The following ERAP2 variants were observed in gnomAD, a reference collection of about 807,000 sequenced individuals.
ERAP2 encodes the protein endoplasmic reticulum aminopeptidase 2, also known as leukocyte-derived arginine aminopeptidase.
Under a neutral mutation model 111.1 loss-of-function variants are expected in ERAP2, and 118 were observed. The ratio of observed to expected loss-of-function variants is 1.06; its 90% CI spans 0.92 to 1.24. The LOEUF (loss-of-function observed/expected upper bound fraction) is 1.24. Ranked by LOEUF, ERAP2 falls within the 50% of genes most tolerant of loss-of-function variation. ERAP2 has a pLI of 0.00. For missense variants in ERAP2, 1,131 were observed against 1,125.8 expected, an observed-to-expected ratio of 1.00 and a Z score of -0.07; for synonymous variants, 410 against 401.2, an observed-to-expected ratio of 1.02 and a Z score of -0.26.
chr5:96,894,016 G>C (rs774788221), intron 6 of ERAP2, among the ~76,000 whole-genome samples: 8 of 152,074 alleles, frequency 5.3e-5, no homozygotes, highest in Non-Finnish European at 8.8e-5. Flanking sequence ...ATTTCCTCCT[G>C]GAATCCCCTC....
intron 15 of ERAP2, among the ~76,000 whole-genome samples, chr5:96,912,062 C>T (rs1281774787): frequency 6.0e-5 from 9 of 149,876 alleles, no homozygotes; most frequent in Admixed American, 4.7e-4. Flanking sequence ...CGGTGGCGGG[C>T]GCCTGTAGTC....
Position 96,917,703 on chromosome 5 carries a change from G to C in ERAP2, c.*98G>C, listed in dbSNP as rs1290711447. ...GGGCGGATCACGAGGTCAGGAGATG[G>C]AGACCATCCTGGCTAACACGGTGAG... On this transcript the variant is annotated 3_prime_UTR_variant, in exon 19 of 19. Coordinates refer to ENST00000437043, the MANE Select transcript of ERAP2 (RefSeq NM_022350.5). 2.3e-5 allele frequency: 22 copies of C among 956,828 alleles called. No individual in the cohort carries two copies. The highest frequency in any genetic ancestry group is 3.1e-5 in the Non-Finnish European group (21 of 668,200). The allele number at this position is 956,828 out of a possible 1,614,324, so 59.3% of individuals were successfully genotyped here.
intron 9 of ERAP2, among the ~76,000 whole-genome samples, chr5:96,898,989 T>G (rs2151168161): frequency 6.6e-6 from 1 of 152,280 alleles, no homozygotes; most frequent in Non-Finnish European, 1.5e-5. Context: ...AATCTATCAT[T>G]TGGTGTGCAT....
chr5:96,909,146 A>C (rs368696818), intron 14 of ERAP2, 29 bp downstream of exon 14: 246 of 1,605,348 alleles, frequency 1.5e-4, no homozygotes, highest in Non-Finnish European at 2.0e-4. Context: ...AAATGTATTA[A>C]GTAAATACAC....
intron 15 of ERAP2, among the ~76,000 whole-genome samples, chr5:96,912,046 C>T (rs10463196): frequency 0.54 from 80,670 of 149,392 alleles, 21,862 homozygotes; most frequent in Admixed American, 0.58. Context: ...AAAAATTAGC[C>T]GGGCGCGGTG....
At chr5:96,878,228 T>TA (rs3840524) in intron 1 of ERAP2, among the ~76,000 whole-genome samples, 79,385 of 151,888 alleles carry the variant, frequency 0.52, 20,926 homozygotes, top group South Asian at 0.61. Flanking sequence ...AACCGAACCT[T>TA]AAAAAAATTC....
intron 2 of ERAP2, chr5:96,881,212 A>G: frequency 2.9e-6 from 1 of 350,392 alleles, no homozygotes; most frequent in South Asian, 2.1e-5. Context: ...CTTTATAAAG[A>G]TCAAGTCTAT....
intron 6 of ERAP2, among the ~76,000 whole-genome samples, chr5:96,893,040 A>G (rs1159125067): frequency 2.0e-5 from 3 of 152,164 alleles, no homozygotes; most frequent in Non-Finnish European, 4.4e-5. Flanking sequence ...CGGATCACAT[A>G]GTAAGCACTC....
At chr5:96,913,021 G>A (rs1322712844) in intron 16 of ERAP2, among the ~76,000 whole-genome samples, 1 of 152,150 alleles carries the variant, frequency 6.6e-6, no homozygotes, top group East Asian at 1.9e-4. Context: ...AAGCGGTTAT[G>A]TTTTATCTTC....
chr5:96,889,538 TATCTGCATCGAACTCTTTCC>T lies in ERAP2; in HGVS notation c.970+234_970+253del. The stretch of plus-strand genomic sequence containing the variant: ...TCTTTTATCAGGTTTAACGTTAACA[TATCTGCATCGAACTCTTTCC>T]CAGGCTGATCAGAAAGGGCACACAC... On this transcript the variant is annotated intron_variant, in intron 5 of 18. Transcript: ENST00000437043. The T allele has an allele frequency of 4.3e-6, 3 of 692,152 alleles. No individual in the cohort carries two copies. In the South Asian group the frequency reaches 5.1e-5, roughly 12 times the overall value. The allele number at this position is 692,152 out of a possible 1,614,324, so 42.9% of individuals were successfully genotyped here.
intron 15 of ERAP2, 98 bp downstream of exon 15, chr5:96,909,862 T>A: frequency 8.0e-7 from 1 of 1,245,464 alleles, no homozygotes; most frequent in African/African-American, 1.5e-5. Flanking sequence ...TTAGTGAGGA[T>A]AGAAAAAAAA....
At chr5:96,910,736 G>A (rs1319411669) in intron 15 of ERAP2, among the ~76,000 whole-genome samples, 1 of 152,162 alleles carries the variant, frequency 6.6e-6, no homozygotes, top group Non-Finnish European at 1.5e-5. Context: ...ATTAAATATT[G>A]TTGGTTTTTT....
intron 13 of ERAP2, among the ~76,000 whole-genome samples, chr5:96,908,377 G>A (rs116762793): frequency 6.6e-6 from 1 of 152,172 alleles, no homozygotes; most frequent in South Asian, 2.1e-4. Context: ...CTTCTCACTA[G>A]AAGAAAACGT....
intron 10 of ERAP2, among the ~76,000 whole-genome samples, chr5:96,900,518 A>C (rs1218778758): frequency 6.6e-6 from 1 of 152,174 alleles, no homozygotes; most frequent in Non-Finnish European, 1.5e-5. Context: ...GTATGCTGTT[A>C]GGTTTGGAAA....
intron 18 of ERAP2, 143 bp downstream of exon 18, chr5:96,915,912 G>A (rs998699361): frequency 5.0e-6 from 3 of 595,770 alleles, no homozygotes; most frequent in Non-Finnish European, 8.5e-6. Flanking sequence ...GCAAGTAAAT[G>A]GAAGGGACAG....
At chr5:96,910,649 T>C (rs1195096158) in intron 15 of ERAP2, among the ~76,000 whole-genome samples, 1 of 152,216 alleles carries the variant, frequency 6.6e-6, no homozygotes, top group Non-Finnish European at 1.5e-5. Context: ...ACAGTAGATA[T>C]AAGTGTTCAA....
At chr5:96,891,861 C>G (rs943635428) in intron 5 of ERAP2, among the ~76,000 whole-genome samples, 3 of 152,020 alleles carry the variant, frequency 2.0e-5, no homozygotes, top group Non-Finnish European at 4.4e-5. Context: ...AATCATGCAT[C>G]TTTTTGTTTT....
At chr5:96,916,485 G>A (rs1414123777) in intron 18 of ERAP2, among the ~76,000 whole-genome samples, 8 of 126,166 alleles carry the variant, frequency 6.3e-5, no homozygotes, top group African/African-American at 1.5e-4. Context: ...TTTTTGAGGC[G>A]GAGTCTTGCT....
intron 6 of ERAP2, among the ~76,000 whole-genome samples, chr5:96,893,357 TCAC>T (rs529933443): frequency 1.6e-4 from 25 of 152,292 alleles, no homozygotes; most frequent in African/African-American, 6.0e-4. Flanking sequence ...TCCTTTATCG[TCAC>T]CACAATAATG....
Sources: allele counts gnomAD v4.1 joint callset (sites outside exome capture counted in the v4.1 genomes callset), GRCh38; gene constraint gnomAD v4.1.1; transcripts MANE v1.5; gene names NCBI Gene and HGNC (gene_info 2026-07-23, HGNC 2026-07-21).